The following KMT2A variants were observed in gnomAD, a reference collection of about 807,000 sequenced individuals.
The protein encoded by KMT2A is histone-lysine N-methyltransferase 2A.
KMT2A carries 16 observed loss-of-function variants against 345.3 expected under a neutral mutation model. The observed-to-expected ratio is 0.05, with a 90% confidence interval of 0.03 to 0.07. The LOEUF is 0.07. Among genes scored for constraint, KMT2A ranks in the 10% least tolerant of loss-of-function variants. KMT2A has a pLI of 1.00. For missense variants in KMT2A, 3,272 were observed against 4,841.6 expected (o/e 0.68, Z 9.62); for synonymous variants, 1,599 against 1,778.6 (o/e 0.90, Z 2.54).
chr11:118,499,113 CTG>C (rs1428382804), intron 22 of KMT2A, among the ~76,000 whole-genome samples, 188 bp from the exon 23 acceptor site: 1 of 152,156 alleles, frequency 6.6e-6, no homozygotes, highest in Non-Finnish European at 1.5e-5. Context: ...AGATGATAAA[CTG>C]TTTTGCTTTT....
chr11:118,491,447 T>C lies in KMT2A; in HGVS notation c.4819+129T>C. 1 of 897,228 alleles carries C rather than the reference T, an allele frequency of 1.1e-6. No individual in the cohort carries two copies. The highest frequency in any genetic ancestry group is 1.6e-6 in the Non-Finnish European group (1 of 608,548). 55.6% of individuals were successfully genotyped at this position (897,228 alleles called of 1,614,324 possible). A position where few individuals can be genotyped will look rare whatever the true frequency, so the allele number is the denominator to read the frequency against. On this transcript the variant is annotated intron_variant, in intron 14 of 35. Transcript: ENST00000534358. This position sits in a 1 kb window ranked among gnomAD's most constrained non-coding sequence, Gnocchi z 4.2. ...ATCTCTAAATTTATTTTTTAGTCTC[T>C]AGAATAAGCAGCATTGTATTATTTG...
Position 118,472,650 on chromosome 11 carries a change from G to C in KMT2A, c.1491G>C (p.Gln497His). ...ACTCTCAGGCTTCTGAGGAGATTCA[G>C]GTACTTCCTGAGGAGCGGAGCGATA... Reference protein sequence around the residue: ...STDSQASEEIQVLPEERSDTP... With the variant: ...STDSQASEEIHVLPEERSDTP... Residue 497 changes from glutamine to histidine, a missense_variant, in exon 3 of 36, where the codon CAG becomes CAC. Gln to His is a conservative substitution (Grantham distance 24). Around this residue, in one of 27 missense-constraint regions of KMT2A, gnomAD observed 180 missense variants for 190.7 expected, o/e 0.94. Transcript: ENST00000534358. 1 of 1,612,766 alleles carries C rather than the reference G, an allele frequency of 6.2e-7. No individual in the cohort carries two copies. The highest frequency in any genetic ancestry group is 8.5e-7 in the Non-Finnish European group (1 of 1,179,816).
intron 15 of KMT2A, among the ~76,000 whole-genome samples, chr11:118,492,658 G>A (rs1950344409): frequency 6.6e-6 from 1 of 152,190 alleles, no homozygotes. Context: ...AAGCCTGGGT[G>A]ACAGAGCGAG....
In KMT2A at chr11:118,503,899, T is replaced by C. The variant is rs1950540847; in HGVS notation, c.8007T>C (p.Asp2669=). ...AGAGATCAGCTGAAGGACAGGTGGA[T>C]GGGGCCGATGACTTAAGCACTTCAG... is the stretch of plus-strand genomic sequence containing the variant. ...RGKRSAEGQV[D]GADDLSTSDE... The change falls in exon 27 of 36, where the codon GAT becomes GAC. Residue 2669 remains aspartate (D), a synonymous_variant. Transcript: ENST00000534358. This position sits in a 1 kb window ranked among gnomAD's most constrained non-coding sequence, Gnocchi z 5.3. 6.2e-7 allele frequency: 1 copy of C among 1,614,092 alleles called. No individual in the cohort carries two copies.
At position 118,494,582 on chromosome 11, in the gene KMT2A, C is replaced by T; in HGVS notation, c.5290-112C>T. ...GTTGCCAGAGTGGATGGATCTTTCT[C>T]TTGGTGGCCTGAAATTATCCTCGTA... On this transcript the variant is annotated intron_variant, in intron 17 of 35. Coordinates refer to ENST00000534358, the MANE Select transcript of KMT2A (RefSeq NM_001197104.2). This position sits in a 1 kb window ranked among gnomAD's most constrained non-coding sequence, Gnocchi z 5.8. The T allele has an allele frequency of 9.9e-7, 1 of 1,007,828 alleles. No individual in the cohort carries two copies. Among genetic ancestry groups the T allele is most frequent in the Non-Finnish European group, 1.5e-6 (1 of 669,690 alleles). 62.4% of individuals were successfully genotyped at this position (1,007,828 alleles called of 1,614,324 possible).
At chr11:118,467,195 G>T (rs111619412) in intron 1 of KMT2A, among the ~76,000 whole-genome samples, 3,083 of 152,032 alleles carry the variant, frequency 0.02, 120 homozygotes, top group African/African-American at 0.068. Flanking sequence ...TGCCCAACAT[G>T]GTAAAACCCT....
rs1555048052 is a variant in KMT2A at position 118,505,893 on chromosome 11, T to C, written c.10001T>C (p.Val3334Ala). 3.1e-6 allele frequency: 5 copies of C among 1,614,230 alleles called. No individual in the cohort carries two copies. In the South Asian group the frequency reaches 4.4e-5, roughly 14 times the overall value. Reference sequence around the variant, plus strand: ...ACTAGCCACCTCACATCAGGGTCTGTGTCTGGCTTGGCATCCAGTTCCTCT... The same window carrying C: ...ACTAGCCACCTCACATCAGGGTCTGCGTCTGGCTTGGCATCCAGTTCCTCT... ...QDTSHLTSGS[V>A]SGLASSSSVL... The change falls in exon 27 of 36, where the codon GTG (valine) becomes GCG (alanine). Residue 3334 changes from valine to alanine, a missense_variant. By Grantham distance (64) the Val-to-Ala change is moderately conservative (BLOSUM62 0). Coordinates refer to ENST00000534358, the MANE Select transcript of KMT2A (RefSeq NM_001197104.2). This position sits in a 1 kb window ranked among gnomAD's most constrained non-coding sequence, Gnocchi z 4.6.
intron 1 of KMT2A, among the ~76,000 whole-genome samples, chr11:118,460,614 A>G (rs573147931): frequency 1.3e-5 from 2 of 152,018 alleles, no homozygotes; most frequent in Non-Finnish European, 2.9e-5. Flanking sequence ...AAAATTTTTT[A>G]TTCCAGAATA....
chr11:118,477,047 G>A (rs2134283082), intron 4 of KMT2A, 65 bp downstream of exon 4: 1 of 1,525,772 alleles, frequency 6.6e-7, no homozygotes, highest in Non-Finnish European at 9.1e-7. Flanking sequence ...ATTATTCTGG[G>A]GATGCCCAGT....
rs1472821496 is a variant in KMT2A, at chr11:118,526,488, C to A, written c.*4316C>A. ...CAAGAGCTCAACAGATGACAAGCTT[C>A]TTTTCTAGAAATAAGACATTTTTTG... is the stretch of plus-strand genomic sequence containing the variant. On this transcript the variant is annotated 3_prime_UTR_variant, in exon 36 of 36. Coordinates refer to ENST00000534358, the MANE Select transcript of KMT2A (RefSeq NM_001197104.2). The A allele has an allele frequency of 1.3e-5, 3 of 228,910 alleles. No individual in the cohort carries two copies. The highest frequency in any genetic ancestry group is 6.7e-5 in the African/African-American group (3 of 44,946). 14.2% of individuals were successfully genotyped at this position (228,910 alleles called of 1,614,324 possible).
rs756562807 is a variant in KMT2A, at chr11:118,476,890, G to A, written c.3242G>A (p.Arg1081Gln). The A allele has an allele frequency of 4.3e-6, 7 of 1,614,050 alleles. No homozygotes were observed. Among genetic ancestry groups the A allele is most frequent in the East Asian group, 2.2e-5 (1 of 44,894 alleles). ...AGAAGAGCAGCTGTTGCCCTTGGCC[G>A]AAAACGAGCTGTGTTTCCTGATGAC... ...VCRRAAVALG[R>Q]KRAVFPDDMP... Residue 1081 changes from arginine (R) to glutamine (Q), a missense_variant, in exon 4 of 36, where the codon CGA becomes CAA. By Grantham distance (43) the Arg-to-Gln change is conservative. This residue lies in a region of KMT2A where 6 missense variants were observed against 54.1 expected (regional missense o/e 0.11). Coordinates refer to ENST00000534358, the MANE Select transcript of KMT2A (RefSeq NM_001197104.2). This position sits in a 1 kb window ranked among gnomAD's most constrained non-coding sequence, Gnocchi z 4.1.
intron 6 of KMT2A, among the ~76,000 whole-genome samples, chr11:118,481,035 C>T (rs1950121952): frequency 6.6e-6 from 1 of 152,250 alleles, no homozygotes; most frequent in African/African-American, 2.4e-5. Flanking sequence ...GGGTAATAAT[C>T]ACATCAGGGT....
In KMT2A at chr11:118,523,235, A is replaced by G. The variant is rs1951010337; in HGVS notation, c.*1063A>G. ...GACCCTTGGGTCCCATTCCTAAGAC[A>G]TGGTTACTTTATTTTCCCCTTGTTA... On this transcript the variant is annotated 3_prime_UTR_variant, in exon 36 of 36. Coordinates refer to ENST00000534358, the MANE Select transcript of KMT2A (RefSeq NM_001197104.2). 4.4e-6 allele frequency: 1 copy of G among 228,952 alleles called. No homozygotes were observed. Among genetic ancestry groups the G allele is most frequent in the Admixed American group, 5.7e-5 (1 of 17,624 alleles). The allele number at this position is 228,952 out of a possible 1,614,324, so 14.2% of individuals were successfully genotyped here.
At chr11:118,508,246 C>T (rs1356921678) in intron 28 of KMT2A, among the ~76,000 whole-genome samples, 2 of 152,042 alleles carry the variant, frequency 1.3e-5, no homozygotes, top group African/African-American at 4.8e-5. Context: ...CACTTTTTTA[C>T]ATAAAAGGAA....
At chr11:118,492,947 G>A in intron 15 of KMT2A, 110 bp from the exon 16 acceptor site, 2 of 814,582 alleles carry the variant, frequency 2.5e-6, no homozygotes, top group Non-Finnish European at 3.8e-6. Context: ...ATGTTCCTTG[G>A]GTTTTACAAT....
rs1029068936 is a variant in KMT2A, at chr11:118,525,178, G to A, written c.*3006G>A. 4.3e-6 allele frequency: 1 copy of A among 231,010 alleles called. No homozygotes were observed. The highest frequency in any genetic ancestry group is 6.1e-5 in the East Asian group (1 of 16,276). 14.3% of individuals were successfully genotyped at this position (231,010 alleles called of 1,614,324 possible). The stretch of plus-strand genomic sequence containing the variant: ...ACCAAGGGAATCTCCGCACAAAAGT[G>A]CAGATTGAGGAATTGTGATGGGTCA... On this transcript the variant is annotated 3_prime_UTR_variant, in exon 36 of 36. Coordinates refer to ENST00000534358, the MANE Select transcript of KMT2A (RefSeq NM_001197104.2).
At position 118,520,027 on chromosome 11, in the gene KMT2A, G is replaced by A. The variant is rs782284425; in HGVS notation, c.11392G>A (p.Asp3798Asn). 2.5e-6 allele frequency: 4 copies of A among 1,614,166 alleles called. No homozygotes were observed. The South Asian group carries it at 3.3e-5, about 13-fold the overall frequency. ...TCAGCCTCCTGAATACAACCCCAAT[G>A]ATGAAGAAGAGGAGGAGGTACAGCT... Reference protein sequence around the residue: ...HRQPPEYNPNDEEEEEVQLKS... With the variant: ...HRQPPEYNPNNEEEEEVQLKS... The change falls in exon 33 of 36, where the codon GAT (aspartate) becomes AAT (asparagine). Residue 3798 changes from aspartate to asparagine, a missense_variant. Coordinates refer to ENST00000534358, the MANE Select transcript of KMT2A (RefSeq NM_001197104.2). The surrounding 1 kb of genome is among the most constrained non-coding windows in gnomAD (Gnocchi z 4.3).
chr11:118,504,832 G>A lies in KMT2A; in HGVS notation c.8940G>A (p.Leu2980=), dbSNP rs781920905. 1 of 1,614,148 alleles carries A rather than the reference G, an allele frequency of 6.2e-7. No homozygotes were observed. Among genetic ancestry groups the A allele is most frequent in the Non-Finnish European group, 8.5e-7 (1 of 1,180,032 alleles). ...VASSESDPAL[L]SPGVDPTPEG... is the part of the protein sequence containing the mutation. Reference sequence around the variant, plus strand: ...CCTCTGAAAGTGACCCAGCACTGCTGAGCCCAGGAGTAGATCCAACTCCTG... The same window carrying A: ...CCTCTGAAAGTGACCCAGCACTGCTAAGCCCAGGAGTAGATCCAACTCCTG... Residue 2980 remains leucine, a synonymous_variant, in exon 27 of 36, where the codon CTG becomes CTA. Transcript: ENST00000534358. The surrounding 1 kb of genome is among the most constrained non-coding windows in gnomAD (Gnocchi z 6.4).
chr11:118,483,457 C>T (rs1163381067), intron 8 of KMT2A, among the ~76,000 whole-genome samples: 5 of 150,000 alleles, frequency 3.3e-5, no homozygotes, highest in African/African-American at 1.2e-4. Flanking sequence ...GGCGTGAACC[C>T]GGGGGGCGGA....
Sources: gnomAD v4.1 joint callset for allele counts (sites outside exome capture counted in the v4.1 genomes callset) on GRCh38, gnomAD v4.1.1 for gene constraint, gnomAD v4.1.1 regional missense constraint, Gnocchi (gnomAD v3.1) non-coding constraint, MANE v1.5 for transcripts, NCBI Gene and HGNC (gene_info 2026-07-23, HGNC 2026-07-21) for gene names.